Variants in NIN observed in about 807,000 individuals in gnomAD.
NIN encodes glycogen synthase kinase 3 beta-interacting protein.
In NIN, 137 loss-of-function variants were observed where a neutral mutation model predicts 257.6. That is an observed-to-expected ratio of 0.53 (90% CI 0.46 to 0.61). NIN has a LOEUF of 0.61. NIN is among the 20% of genes least tolerant of loss of function. NIN has a pLI of 0.00. For missense variants in NIN, 2,439 were observed against 2,501.2 expected (o/e 0.98, Z 0.53); for synonymous variants, 918 against 919.8 (o/e 1.00, Z 0.04).
Position 50,757,915 on chromosome 14 carries a change from T to C in NIN, c.3115A>G (p.Ile1039Val). ...LSMLQSGCQV[I>V]GEEEVEGDGA... ...TCTCCTTCCACCTCCTCCTCTCCTA[T>C]CACCTGGCAACCACTCTGAAGCATT... The change falls in exon 18 of 31, where the codon ATA becomes GTA. Residue 1039 changes from isoleucine to valine, a missense_variant. By Grantham distance (29) the Ile-to-Val change is conservative (BLOSUM62 3). Coordinates refer to ENST00000530997, the MANE Select transcript of NIN (RefSeq NM_020921.4). The C allele has an allele frequency of 6.2e-7, 1 of 1,614,130 alleles. No individual in the cohort carries two copies. Among genetic ancestry groups the C allele is most frequent in the South Asian group, 1.1e-5 (1 of 91,084 alleles).
intron 28 of NIN, among the ~76,000 whole-genome samples, chr14:50,734,387 C>T (rs1451462364): frequency 5.3e-5 from 8 of 152,036 alleles, no homozygotes; most frequent in South Asian, 2.1e-4. Context: ...CCACTGCGCC[C>T]GGCCCCATTT....
chr14:50,810,256 C>T (rs1007683697), intron 3 of NIN, among the ~76,000 whole-genome samples: 1 of 150,340 alleles, frequency 6.7e-6, no homozygotes, highest in Non-Finnish European at 1.5e-5. Flanking sequence ...AAAGAAAATG[C>T]CAAAGGACCA....
intron 22 of NIN, among the ~76,000 whole-genome samples, chr14:50,746,961 AGGTGAT>A (rs1668508382): frequency 6.6e-6 from 1 of 152,174 alleles, no homozygotes; most frequent in Admixed American, 6.5e-5. Context: ...TCCCGAGCTC[AGGTGAT>A]CCACTCATCT....
intron 22 of NIN, among the ~76,000 whole-genome samples, chr14:50,744,935 CAAA>C (rs143259525): frequency 6.6e-6 from 1 of 151,924 alleles, no homozygotes; most frequent in Admixed American, 6.6e-5. Context: ...CAAAACAAAA[CAAA>C]AAAACCCCCT....
chr14:50,730,667 C>T (rs2040648418), intron 28 of NIN, among the ~76,000 whole-genome samples: 1 of 152,122 alleles, frequency 6.6e-6, no homozygotes, highest in Non-Finnish European at 1.5e-5. Flanking sequence ...CAGAAAACCA[C>T]TTTGTTTTCA....
chr14:50,813,517 A>C (rs924143325), intron 3 of NIN, among the ~76,000 whole-genome samples: 4 of 152,238 alleles, frequency 2.6e-5, no homozygotes, highest in Non-Finnish European at 4.4e-5. Flanking sequence ...GGAGAAATTT[A>C]CCTCATTACT....
chr14:50,783,319 G>A lies in NIN; in HGVS notation c.436-4515C>T, dbSNP rs533460231. On this transcript the variant is annotated intron_variant, in intron 5 of 30. Transcript: ENST00000530997. ...GATCCACCCACCTCGGCCTCCCAAAGTGTTGGGATTACAAGTGTTAGCCAC... is the reference window on the plus strand; with the variant it reads ...GATCCACCCACCTCGGCCTCCCAAAATGTTGGGATTACAAGTGTTAGCCAC... Among the ~76,000 whole-genome samples, 12 of 151,950 alleles carry A rather than the reference G, an allele frequency of 7.9e-5. No homozygotes were observed. In the East Asian group the frequency reaches 1.5e-3, roughly 20 times the overall value.
At chr14:50,792,010 G>A (rs1294759509) in intron 5 of NIN, 2 of 152,194 alleles carry the variant, frequency 1.3e-5, no homozygotes, top group African/African-American at 4.8e-5. Context: ...TAAATGGGAT[G>A]CTGGTAAATG....
chr14:50,737,731 G>A (rs186245851), intron 27 of NIN, among the ~76,000 whole-genome samples: 9 of 147,238 alleles, frequency 6.1e-5, no homozygotes, highest in African/African-American at 1.7e-4. Context: ...TGCAACCTCC[G>A]CCTCCTGGGT....
chr14:50,811,109 T>TA (rs1179279675), intron 3 of NIN, among the ~76,000 whole-genome samples: 1 of 148,530 alleles, frequency 6.7e-6, no homozygotes, highest in Non-Finnish European at 1.5e-5. Context: ...CTGAAGCTAT[T>TA]ACTTTTTTTT....
intron 4 of NIN, among the ~76,000 whole-genome samples, chr14:50,802,727 C>A (rs1276969903): frequency 6.6e-6 from 1 of 152,138 alleles, no homozygotes; most frequent in Admixed American, 6.5e-5. Flanking sequence ...TTCAGCACAA[C>A]CACTTTCACA....
At chr14:50,809,926 T>C (rs1410304401) in intron 3 of NIN, among the ~76,000 whole-genome samples, 1 of 151,148 alleles carries the variant, frequency 6.6e-6, no homozygotes, top group Admixed American at 6.6e-5. Context: ...CTGAGGGAGG[T>C]GTCATAAAGC....
intron 4 of NIN, among the ~76,000 whole-genome samples, chr14:50,799,772 G>C (rs1394265556): frequency 6.6e-6 from 1 of 152,126 alleles, no homozygotes; most frequent in African/African-American, 2.4e-5. Flanking sequence ...TCAGGAGTTT[G>C]AGACCAGCCT....
intron 3 of NIN, among the ~76,000 whole-genome samples, chr14:50,814,543 G>A (rs540575208): frequency 2.0e-5 from 3 of 152,164 alleles, no homozygotes; most frequent in South Asian, 4.1e-4. Context: ...TTAAGATAAC[G>A]TGTTCATATG....
At position 50,792,794 on chromosome 14, in the gene NIN, T is replaced by C. The variant is rs767412300; in HGVS notation, c.353A>G (p.Glu118Gly). Residue 118 changes from glutamate (E) to glycine (G), a missense_variant, in exon 5 of 31, where the codon GAG becomes GGG. Transcript: ENST00000530997. ...RSLPEFQESVEEFPEVTVIEP... is the reference protein window; with the variant it reads ...RSLPEFQESVGEFPEVTVIEP... ...AATCACCGTCACTTCAGGAAACTCC[T>C]CCACGGACTCTTGGAACTCGGGCAA... 1.2e-6 allele frequency: 2 copies of C among 1,614,176 alleles called. No homozygotes were observed. Among genetic ancestry groups the C allele is most frequent in the East Asian group, 4.5e-5 (2 of 44,880 alleles).
At chr14:50,727,320 G>A (rs1000331430) in intron 29 of NIN, 3 of 986,872 alleles carry the variant, frequency 3.0e-6, no homozygotes, top group Non-Finnish European at 2.4e-6. Context: ...AAATACCCCT[G>A]GTTTTCTTCA....
At chr14:50,814,210 C>G (rs534150335) in intron 3 of NIN, among the ~76,000 whole-genome samples, 2 of 152,098 alleles carry the variant, frequency 1.3e-5, no homozygotes, top group Non-Finnish European at 2.9e-5. Flanking sequence ...AGCTGTACTC[C>G]AAGACTGGTC....
In NIN at chr14:50,756,645, T is replaced by A; in HGVS notation, c.4385A>T (p.Gln1462Leu). ...CTCCTTCAACTTCCTAGTCAGCTCC[T>A]GTAACTTTGTTTTCTCCAGTTCTAA... ...AELELEKTKL[Q>L]ELTRKLKERV... The change falls in exon 18 of 31, where the codon CAG (glutamine) becomes CTG (leucine). Residue 1462 changes from glutamine to leucine, a missense_variant. Around this residue, in one of 3 missense-constraint regions of NIN, gnomAD observed 2,043 missense variants for 2,050.2 expected, o/e 1.00. Transcript: ENST00000530997. The A allele has an allele frequency of 3.9e-6, 6 of 1,554,880 alleles. No individual in the cohort carries two copies. Among genetic ancestry groups the A allele is most frequent in the Non-Finnish European group, 5.2e-6 (6 of 1,148,278 alleles).
intron 25 of NIN, among the ~76,000 whole-genome samples, chr14:50,740,007 G>A (rs1479017141): frequency 2.0e-5 from 3 of 151,846 alleles, no homozygotes; most frequent in Admixed American, 6.6e-5. Context: ...TGTAATTAAC[G>A]TCTGAATTCA....
Sources: gnomAD v4.1 joint callset for allele counts (sites outside exome capture counted in the v4.1 genomes callset) on GRCh38, gnomAD v4.1.1 for gene constraint, gnomAD v4.1.1 regional missense constraint, MANE v1.5 for transcripts, NCBI Gene and HGNC (gene_info 2026-07-23, HGNC 2026-07-21) for gene names.